Variants in STIM2 observed in about 807,000 individuals in gnomAD.
The protein encoded by STIM2 is stromal interaction molecule 2.
A neutral mutation model predicts 85.8 loss-of-function variants in STIM2; 31 were observed. That is an observed-to-expected ratio of 0.36 (90% CI 0.27 to 0.49). STIM2 has a LOEUF of 0.49. STIM2 is among the 20% of genes least tolerant of loss of function. The pLI is 0.98. For synonymous variants in STIM2, 356 were observed against 331.1 expected (o/e 1.08, Z -0.82); for missense variants, 841 against 927.6 (o/e 0.91, Z 1.21).
chr4:26,949,008 G>A (rs926685015), intron 2 of STIM2, among the ~76,000 whole-genome samples: 3 of 152,114 alleles, frequency 2.0e-5, no homozygotes, highest in African/African-American at 7.2e-5. Flanking sequence ...AGTACATACA[G>A]TGTATTCATT....
chr4:26,996,484 A>G (rs1727965319), intron 4 of STIM2, among the ~76,000 whole-genome samples: 1 of 152,048 alleles, frequency 6.6e-6, no homozygotes, highest in Non-Finnish European at 1.5e-5. Flanking sequence ...TTAGATAAGT[A>G]TCCTTTGTTG....
intron 2 of STIM2, among the ~76,000 whole-genome samples, chr4:26,943,064 TG>T (rs775521511): frequency 1.3e-5 from 2 of 152,094 alleles, no homozygotes; most frequent in African/African-American, 2.4e-5. Context: ...AATCTTTGAG[TG>T]GGCCCAAAAA....
chr4:26,994,742 C>T (rs938965348), intron 3 of STIM2, among the ~76,000 whole-genome samples: 1 of 152,000 alleles, frequency 6.6e-6, no homozygotes, highest in Non-Finnish European at 1.5e-5. Context: ...CTTTTTTTTA[C>T]AGCCTTTTCC....
intron 2 of STIM2, among the ~76,000 whole-genome samples, chr4:26,943,882 A>T (rs1725714871): frequency 6.6e-6 from 1 of 152,122 alleles, no homozygotes; most frequent in Admixed American, 6.6e-5. Flanking sequence ...TACCAGCATA[A>T]CTAGTCAGGA....
At chr4:26,932,359 C>T (rs112646273) in intron 2 of STIM2, among the ~76,000 whole-genome samples, 7 of 152,112 alleles carry the variant, frequency 4.6e-5, no homozygotes, top group African/African-American at 1.4e-4. Flanking sequence ...AGTGGTCAGT[C>T]GGTTTTTGTT....
intron 1 of STIM2, among the ~76,000 whole-genome samples, chr4:26,864,075 T>C (rs907458393): frequency 1.3e-5 from 2 of 152,170 alleles, no homozygotes; most frequent in Non-Finnish European, 2.9e-5. Flanking sequence ...TAAACTGTTA[T>C]TGCTCAAAAC....
intron 5 of STIM2, 54 bp downstream of exon 5, chr4:26,999,401 CTG>C: frequency 1.8e-6 from 2 of 1,102,654 alleles, no homozygotes; most frequent in South Asian, 1.8e-5. Context: ...CTGATCATCT[CTG>C]TGTTATTTAA....
At chr4:26,873,785 C>T in intron 1 of STIM2, 1 of 859,950 alleles carries the variant, frequency 1.2e-6, no homozygotes, top group African/African-American at 1.7e-5. Flanking sequence ...CAGAGGGGCT[C>T]TGTCAAGGGG....
chr4:26,957,228 C>T (rs1304945933), intron 2 of STIM2, among the ~76,000 whole-genome samples: 1 of 152,140 alleles, frequency 6.6e-6, no homozygotes, highest in Non-Finnish European at 1.5e-5. Flanking sequence ...ATTTTTAAAA[C>T]TCTGTACCTG....
intron 3 of STIM2, among the ~76,000 whole-genome samples, chr4:26,965,231 C>G (rs1363406359): frequency 6.6e-6 from 1 of 152,052 alleles, no homozygotes; most frequent in East Asian, 1.9e-4. Context: ...TCATTTCTAC[C>G]ACTAACAAAA....
At chr4:26,959,846 T>A (rs1726384330) in intron 3 of STIM2, among the ~76,000 whole-genome samples, 1 of 152,180 alleles carries the variant, frequency 6.6e-6, no homozygotes, top group Non-Finnish European at 1.5e-5. Context: ...ACAGTTGGCC[T>A]AAGTTATCTC....
chr4:26,921,981 G>A (rs1382564582), intron 2 of STIM2, among the ~76,000 whole-genome samples: 1 of 152,072 alleles, frequency 6.6e-6, no homozygotes. Flanking sequence ...TTTATTTCTA[G>A]AACCACCGAC....
intron 3 of STIM2, 108 bp downstream of exon 3, chr4:26,957,834 T>A: frequency 1.5e-6 from 1 of 650,576 alleles, no homozygotes; most frequent in Non-Finnish European, 2.7e-6. Context: ...CAAAATAACA[T>A]TTCTGTGAGG....
At chr4:26,876,517 TCA>T (rs1035882019) in intron 1 of STIM2, among the ~76,000 whole-genome samples, 1 of 152,212 alleles carries the variant, frequency 6.6e-6, no homozygotes, top group Non-Finnish European at 1.5e-5. Context: ...ATAAAAAGTC[TCA>T]CAATAGTGGA....
chr4:26,910,396 C>A (rs888056362), intron 1 of STIM2, among the ~76,000 whole-genome samples: 1 of 151,874 alleles, frequency 6.6e-6, no homozygotes, highest in Non-Finnish European at 1.5e-5. Context: ...TGTTGGCGAG[C>A]GCCTGTAATT....
At chr4:26,928,082 A>G (rs1396710360) in intron 2 of STIM2, among the ~76,000 whole-genome samples, 2 of 151,482 alleles carry the variant, frequency 1.3e-5, no homozygotes, top group Admixed American at 6.6e-5. Flanking sequence ...TGGAGGGAGG[A>G]CTGTTTTCTT....
At position 27,015,789 on chromosome 4, in the gene STIM2, G is replaced by GT. The variant is rs5856964; in HGVS notation, c.1490-1907dup. ...ATATGATTGGGTGTGGATTTAAACAGTTTTTTTTTTTTTTTGCTAATATTT... is the reference window on the plus strand; with the variant it reads ...ATATGATTGGGTGTGGATTTAAACAGTTTTTTTTTTTTTTTTGCTAATATTT... On this transcript the variant is annotated intron_variant, in intron 10 of 11. Transcript: ENST00000467087. Among the ~76,000 whole-genome samples the GT allele has an allele frequency of 5.6e-3, 744 of 131,772 alleles. 4 individuals are homozygous for GT. The highest frequency in any genetic ancestry group is 0.016 in the African/African-American group (563 of 35,722). The allele number at this position is 131,772 out of a possible 152,430, so 86.4% of individuals were successfully genotyped here.
chr4:26,962,881 G>A lies in STIM2; in HGVS notation c.397+5155G>A, dbSNP rs138082418. 3.9e-5 allele frequency among the ~76,000 whole-genome samples: 6 copies of A among 152,116 alleles called. No individual in the cohort carries two copies. In the East Asian group the frequency reaches 1.2e-3, roughly 29 times the overall value. ...CTGTTTTTAAAATGAAAACTCACTG[G>A]GTTAGTTATTATAACATGTGACAAC... is the stretch of plus-strand genomic sequence containing the variant. On this transcript the variant is annotated intron_variant, in intron 3 of 11. Coordinates refer to ENST00000467087, the MANE Select transcript of STIM2 (RefSeq NM_020860.4).
At chr4:26,944,767 C>T (rs1725751117) in intron 2 of STIM2, among the ~76,000 whole-genome samples, 1 of 152,086 alleles carries the variant, frequency 6.6e-6, no homozygotes, top group South Asian at 2.1e-4. Context: ...TCGTCAATCA[C>T]GTGAATAGTA....
Sources: allele counts gnomAD v4.1 joint callset (sites outside exome capture counted in the v4.1 genomes callset), GRCh38; gene constraint gnomAD v4.1.1; transcripts MANE v1.5; gene names NCBI Gene and HGNC (gene_info 2026-07-23, HGNC 2026-07-21).